FIGN: variants seen among roughly 807,000 people sequenced by gnomAD.
The protein encoded by FIGN is fidgetin.
Under a neutral mutation model 51.3 loss-of-function variants are expected in FIGN, and 11 were observed. The ratio of observed to expected loss-of-function variants is 0.21; its 90% CI spans 0.13 to 0.35. FIGN has a LOEUF of 0.35. Ranked by LOEUF, FIGN falls within the 10% of genes least tolerant of loss-of-function variation. The pLI is 1.00. For synonymous variants in FIGN, 407 were observed against 363.2 expected, an observed-to-expected ratio of 1.12 and a Z score of -1.37; for missense variants, 857 against 943.6, an observed-to-expected ratio of 0.91 and a Z score of 1.20.
At chr2:163,694,001 T>C (rs181735659) in intron 2 of FIGN, among the ~76,000 whole-genome samples, 277 of 152,274 alleles carry the variant, frequency 1.8e-3, no homozygotes, top group African/African-American at 5.8e-3. Flanking sequence ...CAAGTCTTTC[T>C]CTCTTTTCAG....
intron 2 of FIGN, chr2:163,612,420 T>C (rs1300178205): frequency 1.0e-6 from 1 of 985,328 alleles, no homozygotes; most frequent in East Asian, 1.1e-4. Flanking sequence ...CATTCCATAA[T>C]CCAACTCTCA....
intron 2 of FIGN, among the ~76,000 whole-genome samples, chr2:163,714,033 G>T (rs1056279980): frequency 6.6e-6 from 1 of 152,138 alleles, no homozygotes; most frequent in African/African-American, 2.4e-5. Context: ...CTTGCACAGC[G>T]GCTCACGGGG....
At chr2:163,677,469 G>A (rs902592352) in intron 2 of FIGN, among the ~76,000 whole-genome samples, 35 of 152,188 alleles carry the variant, frequency 2.3e-4, no homozygotes, top group African/African-American at 8.4e-4. Flanking sequence ...TACTTGAAAT[G>A]TGGCTACTGC....
chr2:163,672,995 GTATCTTTAATGCCAGTGCA>G (rs1418590770), intron 2 of FIGN, among the ~76,000 whole-genome samples: 2 of 152,122 alleles, frequency 1.3e-5, no homozygotes, highest in African/African-American at 4.8e-5. Flanking sequence ...CATTATTGAT[GTATCTTTAATGCCAGTGCA>G]TATCTCGTTA....
At chr2:163,626,982 AG>A (rs1344299153) in intron 2 of FIGN, among the ~76,000 whole-genome samples, 2 of 152,184 alleles carry the variant, frequency 1.3e-5, no homozygotes, top group African/African-American at 4.8e-5. Context: ...TAGTCTAAAA[AG>A]GGGAGGAACC....
intron 2 of FIGN, among the ~76,000 whole-genome samples, chr2:163,612,105 C>T (rs1691276767): frequency 6.6e-6 from 1 of 152,144 alleles, no homozygotes; most frequent in Non-Finnish European, 1.5e-5. Context: ...ATCAGCTTAC[C>T]TACTATACGC....
intron 2 of FIGN, among the ~76,000 whole-genome samples, chr2:163,680,160 A>C (rs985864880): frequency 6.6e-6 from 1 of 152,224 alleles, no homozygotes; most frequent in African/African-American, 2.4e-5. Flanking sequence ...TACAACAGGG[A>C]CTATGTAGGC....
chr2:163,683,006 G>C (rs745317073), intron 2 of FIGN, among the ~76,000 whole-genome samples: 1 of 152,006 alleles, frequency 6.6e-6, no homozygotes, highest in Non-Finnish European at 1.5e-5. Flanking sequence ...ACTCTTTTCT[G>C]TTCTAATGAA....
chr2:163,621,071 A>G (rs937771457), intron 2 of FIGN, among the ~76,000 whole-genome samples: 4 of 152,120 alleles, frequency 2.6e-5, no homozygotes, highest in Non-Finnish European at 5.9e-5. Context: ...ACCATACTCT[A>G]AAAAGACAGT....
intron 2 of FIGN, among the ~76,000 whole-genome samples, chr2:163,727,593 A>C (rs1684856856): frequency 6.6e-6 from 1 of 152,124 alleles, no homozygotes; most frequent in Admixed American, 6.6e-5. Flanking sequence ...ATTCAAAATA[A>C]GTTCAATTTT....
At chr2:163,657,797 T>C (rs752278916) in intron 2 of FIGN, among the ~76,000 whole-genome samples, 4 of 152,260 alleles carry the variant, frequency 2.6e-5, no homozygotes, top group Non-Finnish European at 5.9e-5. Context: ...CTGTAATAGA[T>C]GGTATAGTGC....
intron 2 of FIGN, among the ~76,000 whole-genome samples, chr2:163,665,036 C>A (rs1683751100): frequency 6.6e-6 from 1 of 152,192 alleles, no homozygotes; most frequent in East Asian, 1.9e-4. Flanking sequence ...GATTATTTGC[C>A]AAGAGTCTGT....
At chr2:163,668,767 C>T (rs1036325588) in intron 2 of FIGN, among the ~76,000 whole-genome samples, 14 of 151,734 alleles carry the variant, frequency 9.2e-5, no homozygotes, top group Non-Finnish European at 1.5e-4. Context: ...GGTGAAACCC[C>T]GTCTCTACTA....
chr2:163,715,720 G>C (rs1476977221), intron 2 of FIGN, among the ~76,000 whole-genome samples: 1 of 152,124 alleles, frequency 6.6e-6, no homozygotes, highest in East Asian at 1.9e-4. Context: ...AAAAGATATG[G>C]TTGTGGATAT....
At chr2:163,705,904 A>T (rs1548089) in intron 2 of FIGN, among the ~76,000 whole-genome samples, 11 of 152,136 alleles carry the variant, frequency 7.2e-5, no homozygotes, top group African/African-American at 2.7e-4. Flanking sequence ...CTTACAAATG[A>T]CTGCATTTTT....
intron 2 of FIGN, among the ~76,000 whole-genome samples, chr2:163,629,796 G>A (rs1278970874): frequency 6.6e-6 from 1 of 151,848 alleles, no homozygotes; most frequent in Non-Finnish European, 1.5e-5. Context: ...TCTAGGCTGA[G>A]GGGAAAGAAA....
At chr2:163,620,851 TTGTG>T (rs71015594) in intron 2 of FIGN, among the ~76,000 whole-genome samples, 25,865 of 147,504 alleles carry the variant, frequency 0.18, 2,363 homozygotes, top group Middle Eastern at 0.24. Flanking sequence ...GTGTAAATAT[TTGTG>T]TGTGTGTGTG....
chr2:163,722,842 AT>A (rs1684779474), intron 2 of FIGN, among the ~76,000 whole-genome samples: 2 of 152,002 alleles, frequency 1.3e-5, no homozygotes, highest in Non-Finnish European at 2.9e-5. Context: ...TCATAGATCC[AT>A]TCTTTAAATA....
intron 2 of FIGN, among the ~76,000 whole-genome samples, chr2:163,645,551 C>T (rs188696373): frequency 1.3e-5 from 2 of 152,276 alleles, no homozygotes; most frequent in Admixed American, 6.5e-5. Context: ...CTAACTCTCA[C>T]GCCCAGGCCA....
Sources: allele counts gnomAD v4.1 joint callset (sites outside exome capture counted in the v4.1 genomes callset), GRCh38; gene constraint gnomAD v4.1.1; transcripts MANE v1.5; gene names NCBI Gene and HGNC (gene_info 2026-07-23, HGNC 2026-07-21).